Variants in SLC19A3 observed in about 807,000 individuals in gnomAD.
SLC19A3 encodes the protein solute carrier family 19 member 3.
SLC19A3 carries 31 observed loss-of-function variants against 40.2 expected under a neutral mutation model. That is an observed-to-expected ratio of 0.77 (90% CI 0.58 to 1.04). SLC19A3 has a LOEUF of 1.04. Ranked by LOEUF, SLC19A3 falls within the 50% of genes least tolerant of loss-of-function variation. The pLI is 0.00. For missense variants in SLC19A3, 592 were observed against 596.7 expected (o/e 0.99, Z 0.08); for synonymous variants, 212 against 227.5 (o/e 0.93, Z 0.61).
chr2:227,690,960 C>G (rs548983485), intron 4 of SLC19A3, among the ~76,000 whole-genome samples: 1 of 152,060 alleles, frequency 6.6e-6, no homozygotes, highest in African/African-American at 2.4e-5. Context: ...CCAATGGCCA[C>G]AGAATACACA....
At chr2:227,689,235 C>A (rs1695131507) in intron 4 of SLC19A3, among the ~76,000 whole-genome samples, 1 of 151,992 alleles carries the variant, frequency 6.6e-6, no homozygotes, top group Non-Finnish European at 1.5e-5. Flanking sequence ...CTTCCCAAAC[C>A]TAAAGAGATC....
chr2:227,689,715 T>A (rs1040683637), intron 4 of SLC19A3, among the ~76,000 whole-genome samples: 1 of 152,166 alleles, frequency 6.6e-6, no homozygotes, highest in Non-Finnish European at 1.5e-5. Context: ...CAGAATATTA[T>A]CACACTGTAA....
In SLC19A3 at chr2:227,699,294, C is replaced by A. The variant is rs148144444; in HGVS notation, c.421G>T (p.Gly141Cys). ...VSPEHYQRVS[G>C]YCRSVTLAAY... ...GCCAGCGTGACGCTCCTGCAGTAGC[C>A]GCTCACTCTCTGGTAGTGCTCGGGG... Residue 141 changes from glycine (G) to cysteine (C), a missense_variant, in exon 3 of 6, where the codon GGC becomes TGC. Transcript: ENST00000644224. The A allele has an allele frequency of 6.2e-7, 1 of 1,614,094 alleles. No homozygotes were observed. Among genetic ancestry groups the A allele is most frequent in the Non-Finnish European group, 8.5e-7 (1 of 1,180,020 alleles).
chr2:227,698,676 TG>T, intron 3 of SLC19A3, 59 bp downstream of exon 3: 2 of 1,439,650 alleles, frequency 1.4e-6, no homozygotes, highest in Non-Finnish European at 2.0e-6. Context: ...GTTCGGTACC[TG>T]GAGGAATGGA....
At position 227,686,096 on chromosome 2, in the gene SLC19A3, C is replaced by A; in HGVS notation, c.*1301G>T. 4.5e-6 allele frequency: 2 copies of A among 443,068 alleles called. No homozygotes were observed. Among genetic ancestry groups the A allele is most frequent in the South Asian group, 3.2e-5 (2 of 62,694 alleles). The allele number at this position is 443,068 out of a possible 1,614,324, so 27.4% of individuals were successfully genotyped here. Reference sequence around the variant, plus strand: ...CCCATAGTCCCAGCTACTTGGGAGGCTGAGGTAGGAGAATGGCTTGAACTC... The same window carrying A: ...CCCATAGTCCCAGCTACTTGGGAGGATGAGGTAGGAGAATGGCTTGAACTC... On this transcript the variant is annotated 3_prime_UTR_variant, in exon 6 of 6. Coordinates refer to ENST00000644224, the MANE Select transcript of SLC19A3 (RefSeq NM_025243.4).
chr2:227,712,859 A>C (rs753126761), intron 1 of SLC19A3, among the ~76,000 whole-genome samples: 71 of 152,192 alleles, frequency 4.7e-4, no homozygotes, highest in Non-Finnish European at 9.6e-4. Flanking sequence ...TAAAACAAGC[A>C]AAACTTATCT....
chr2:227,698,606 T>C, intron 3 of SLC19A3, 130 bp downstream of exon 3: 1 of 896,528 alleles, frequency 1.1e-6, no homozygotes, highest in Non-Finnish European at 1.9e-6. Context: ...GCCGTGACTT[T>C]CATTCTTGAC....
At chr2:227,705,811 C>T (rs1347928020) in intron 1 of SLC19A3, among the ~76,000 whole-genome samples, 3 of 152,074 alleles carry the variant, frequency 2.0e-5, no homozygotes, top group Admixed American at 1.3e-4. Flanking sequence ...CCATGGCAAA[C>T]GTTTACCTGT....
At chr2:227,716,699 A>T (rs1696346233) in intron 1 of SLC19A3, among the ~76,000 whole-genome samples, 1 of 152,060 alleles carries the variant, frequency 6.6e-6, no homozygotes, top group Non-Finnish European at 1.5e-5. Context: ...AGCTTCTGAG[A>T]CATGTTGCAG....
rs757058630 is a variant in SLC19A3 at position 227,698,890 on chromosome 2, T to G, written c.825A>C (p.Ser275=). 1.2e-6 allele frequency: 2 copies of G among 1,614,052 alleles called. No homozygotes were observed. The highest frequency in any genetic ancestry group is 2.2e-5 in the East Asian group (1 of 44,880). Residue 275 remains serine (S), a synonymous_variant, in exon 3 of 6, where the codon TCA becomes TCC. Transcript: ENST00000644224. ...WFQDLKECYS[S]KRLFYWSLWW... ...ATAGAGACCAGTAGAAAAGACGTTTTGAGGAGTAGCACTCCTTCAAATCTT... is the reference window on the plus strand; with the variant it reads ...ATAGAGACCAGTAGAAAAGACGTTTGGAGGAGTAGCACTCCTTCAAATCTT...
intron 1 of SLC19A3, among the ~76,000 whole-genome samples, chr2:227,707,204 G>C: frequency 6.6e-6 from 1 of 152,224 alleles, no homozygotes; most frequent in Non-Finnish European, 1.5e-5. Flanking sequence ...CTTTGACTTT[G>C]AATGAGCCAA....
At chr2:227,699,683 G>C in intron 2 of SLC19A3, 119 bp from the exon 3 acceptor site, 1 of 870,280 alleles carries the variant, frequency 1.1e-6, no homozygotes, top group Non-Finnish European at 1.9e-6. Flanking sequence ...GAAACATAAT[G>C]AGAAAACTGA....
rs201700390 is a variant in SLC19A3, at chr2:227,708,810, C to CA, written c.-2-6491dup. Among the ~76,000 whole-genome samples, 571 of 151,422 alleles carry CA rather than the reference C, an allele frequency of 3.8e-3. 2 individuals are homozygous for CA. The highest frequency in any genetic ancestry group is 6.0e-3 in the Non-Finnish European group (403 of 67,724). On this transcript the variant is annotated intron_variant, in intron 1 of 5. Coordinates refer to ENST00000644224, the MANE Select transcript of SLC19A3 (RefSeq NM_025243.4). ...TTGTTTATTTGTTTTTAGTGGGAAA[C>CA]AAAAAAAAATTACTTCATTGCTAGG...
intron 1 of SLC19A3, among the ~76,000 whole-genome samples, chr2:227,706,979 T>C (rs1043987665): frequency 4.6e-5 from 7 of 152,190 alleles, no homozygotes; most frequent in African/African-American, 1.7e-4. Context: ...TGGCACAGTG[T>C]TAGCTACAAC....
intron 2 of SLC19A3, chr2:227,700,963 C>T: frequency 7.7e-7 from 1 of 1,303,910 alleles, no homozygotes. Flanking sequence ...GGCCACAGAG[C>T]AAAGACCACA....
chr2:227,702,359 T>C, intron 1 of SLC19A3, 39 bp from the exon 2 acceptor site: 2 of 1,604,860 alleles, frequency 1.2e-6, no homozygotes, highest in Non-Finnish European at 1.7e-6. Context: ...AAGTGATGCT[T>C]ATTCTTTTTA....
intron 2 of SLC19A3, chr2:227,701,635 TAA>T (rs59125996): frequency 0.36 from 51,996 of 143,288 alleles, 9,610 homozygotes; most frequent in East Asian, 0.75. Flanking sequence ...CAAAAACAAT[TAA>T]AAAAAAAAAA....
At chr2:227,701,297 G>T in intron 2 of SLC19A3, 1 of 264,094 alleles carries the variant, frequency 3.8e-6, no homozygotes. Flanking sequence ...TTTGCAGTTA[G>T]GTCAGTGCAT....
intron 1 of SLC19A3, among the ~76,000 whole-genome samples, chr2:227,708,564 A>G (rs1354105322): frequency 3.4e-4 from 1 of 2,920 alleles, no homozygotes; most frequent in African/African-American, 3.5e-4. Context: ...TCTCTATCAA[A>G]CAAACAAACA....
Sources: gnomAD v4.1 joint callset for allele counts (sites outside exome capture counted in the v4.1 genomes callset) on GRCh38, gnomAD v4.1.1 for gene constraint, MANE v1.5 for transcripts, NCBI Gene and HGNC (gene_info 2026-07-23, HGNC 2026-07-21) for gene names.